Variants in THSD4 observed in about 807,000 individuals in gnomAD.
The protein encoded by THSD4 is thrombospondin type-1 domain-containing protein 4.
Under a neutral mutation model 119.0 loss-of-function variants are expected in THSD4, and 69 were observed. The ratio of observed to expected loss-of-function variants is 0.58; its 90% CI spans 0.48 to 0.71. The LOEUF (loss-of-function observed/expected upper bound fraction) is 0.71, where lower values mean the gene tolerates loss of function less well. Ranked by LOEUF, THSD4 falls within the 30% of genes least tolerant of loss-of-function variation. The pLI, the probability that THSD4 is intolerant of heterozygous loss-of-function variation, is 0.00. For missense variants in THSD4, 1,393 were observed against 1,391.1 expected, an observed-to-expected ratio of 1.00 and a Z score of -0.02; for synonymous variants, 524 against 540.4, an observed-to-expected ratio of 0.97 and a Z score of 0.42.
intron 6 of THSD4, among the ~76,000 whole-genome samples, chr15:71,389,361 G>A (rs1204766716): frequency 1.3e-5 from 2 of 151,872 alleles, no homozygotes; most frequent in African/African-American, 2.4e-5. Flanking sequence ...AGGTACCTCC[G>A]AGCAGCAGAA....
rs182226240 is a variant in THSD4, at chr15:71,571,634, G to T, written c.1153-88896G>T. Among the ~76,000 whole-genome samples, 648 of 152,290 alleles carry T rather than the reference G, an allele frequency of 4.3e-3. 4 individuals are homozygous for T. The highest frequency in any genetic ancestry group is 7.3e-3 in the Non-Finnish European group (494 of 68,014). ...CATTTTGAGTACCTATTGTGGACAG[G>T]ATTCTCCTCTGAGCCCTGCAGGAGA... On this transcript the variant is annotated intron_variant, in intron 7 of 17. Coordinates refer to ENST00000261862, the MANE Select transcript of THSD4 (RefSeq NM_024817.3).
At chr15:71,490,348 C>A (rs2047896144) in intron 7 of THSD4, among the ~76,000 whole-genome samples, 1 of 152,066 alleles carries the variant, frequency 6.6e-6, no homozygotes. Context: ...ATCACAAGGT[C>A]AGGAGATCGA....
intron 15 of THSD4, among the ~76,000 whole-genome samples, chr15:71,760,417 T>C (rs1471785551): frequency 6.6e-6 from 1 of 152,208 alleles, no homozygotes; most frequent in Non-Finnish European, 1.5e-5. Flanking sequence ...ATATATTCCA[T>C]TTCTGCTGCT....
At chr15:71,313,771 G>C (rs556893392) in intron 6 of THSD4, among the ~76,000 whole-genome samples, 1 of 152,164 alleles carries the variant, frequency 6.6e-6, no homozygotes, top group East Asian at 1.9e-4. Context: ...GCTGTGTCTC[G>C]CGGTCTCCCT....
intron 3 of THSD4, among the ~76,000 whole-genome samples, chr15:71,175,048 A>G (rs1450856438): frequency 1.0e-3 from 141 of 137,916 alleles, no homozygotes; most frequent in African/African-American, 3.6e-3. Flanking sequence ...AAAACAGAAC[A>G]GAAAAACTGG....
At chr15:71,466,598 A>G (rs766201878) in intron 7 of THSD4, among the ~76,000 whole-genome samples, 1 of 151,974 alleles carries the variant, frequency 6.6e-6, no homozygotes, top group Non-Finnish European at 1.5e-5. Flanking sequence ...ATCTCCCTCA[A>G]ATGCTCCTCT....
At chr15:71,692,782 G>C (rs1187601068) in intron 8 of THSD4, among the ~76,000 whole-genome samples, 1 of 152,178 alleles carries the variant, frequency 6.6e-6, no homozygotes. Context: ...GTAATAAGAA[G>C]CGCTGTCCTC....
chr15:71,196,450 G>A (rs987114228), intron 3 of THSD4, among the ~76,000 whole-genome samples: 2 of 152,172 alleles, frequency 1.3e-5, no homozygotes, highest in African/African-American at 4.8e-5. Flanking sequence ...TTGAAAAAGA[G>A]AGATTATTGC....
chr15:71,259,185 G>A (rs560841130), intron 6 of THSD4, among the ~76,000 whole-genome samples: 2 of 152,124 alleles, frequency 1.3e-5, no homozygotes, highest in East Asian at 3.9e-4. Context: ...GCCAAGTGAT[G>A]ATGAAGACAG....
chr15:71,201,176 G>GA (rs147288794), intron 3 of THSD4, among the ~76,000 whole-genome samples: 5,395 of 147,832 alleles, frequency 0.036, 350 homozygotes, highest in African/African-American at 0.12. Context: ...GTGGTTGTTT[G>GA]AAAAAAAAAA....
chr15:71,208,731 C>T lies in THSD4; in HGVS notation c.100-6304C>T, dbSNP rs543539902. ...TTCACCATGTTGGCCAGGCTGGTCACGAACGCCTGACCTCAAATTATCCAC... is the reference window on the plus strand; with the variant it reads ...TTCACCATGTTGGCCAGGCTGGTCATGAACGCCTGACCTCAAATTATCCAC... On this transcript the variant is annotated intron_variant, in intron 3 of 17. Transcript: ENST00000261862. Among the ~76,000 whole-genome samples, 8 of 152,118 alleles carry T rather than the reference C, an allele frequency of 5.3e-5. No individual in the cohort carries two copies. In the East Asian group the frequency reaches 5.8e-4, roughly 11 times the overall value.
chr15:71,298,719 TCTC>T (rs1395900318), intron 6 of THSD4, among the ~76,000 whole-genome samples: 3 of 151,502 alleles, frequency 2.0e-5, no homozygotes, highest in African/African-American at 2.4e-5. Context: ...TTCAAGCAAT[TCTC>T]CTGCCTCAGC....
chr15:71,144,522 A>G (rs577222735), intron 2 of THSD4, among the ~76,000 whole-genome samples: 1 of 152,236 alleles, frequency 6.6e-6, no homozygotes, highest in African/African-American at 2.4e-5. Context: ...CTACCTTAAG[A>G]GAAAACAGGT....
At chr15:71,604,414 TG>T (rs2050069573) in intron 7 of THSD4, among the ~76,000 whole-genome samples, 1 of 152,244 alleles carries the variant, frequency 6.6e-6, no homozygotes, top group Non-Finnish European at 1.5e-5. Flanking sequence ...CCTTCCACAA[TG>T]GTTACTTTAC....
Position 71,107,151 on chromosome 15 carries a change from T to C in THSD4, c.-80+10145T>C, listed in dbSNP as rs2040277286. Among the ~76,000 whole-genome samples, 3 of 152,202 alleles carry C rather than the reference T, an allele frequency of 2.0e-5. No individual in the cohort carries two copies. The South Asian group carries it at 6.2e-4, about 31-fold the overall frequency. On this transcript the variant is annotated intron_variant, in intron 1 of 17. Transcript: ENST00000355327. ...TTTAACTCTAAAACCAATGTGCCTT[T>C]CACAACCTGATGTGCTGTCTTCATG...
At chr15:71,164,644 C>G (rs973200073) in intron 3 of THSD4, 1 of 1,450,472 alleles carries the variant, frequency 6.9e-7, no homozygotes, top group Non-Finnish European at 9.2e-7. Flanking sequence ...AAAAAAGACA[C>G]TGTACAGTTT....
intron 7 of THSD4, among the ~76,000 whole-genome samples, chr15:71,489,129 T>C (rs2047871331): frequency 6.6e-6 from 1 of 152,208 alleles, no homozygotes; most frequent in Non-Finnish European, 1.5e-5. Flanking sequence ...AGTTCCTGAA[T>C]ATTAAAAATT....
rs553910216 is a variant in THSD4, at chr15:71,567,964, T to G, written c.1153-92566T>G. Among the ~76,000 whole-genome samples the G allele has an allele frequency of 6.1e-4, 93 of 152,318 alleles. 2 individuals are homozygous for G. The South Asian group carries it at 0.017, about 28-fold the overall frequency. ...TCACCCACCTTACCCTTTATTTCTC[T>G]TATTTATTTCCCTTCTGCCTCTCTT... is the stretch of plus-strand genomic sequence containing the variant. On this transcript the variant is annotated intron_variant, in intron 7 of 17. Transcript: ENST00000261862.
intron 1 of THSD4, among the ~76,000 whole-genome samples, chr15:71,106,986 A>C (rs555679232): frequency 2.0e-5 from 3 of 152,250 alleles, no homozygotes; most frequent in Non-Finnish European, 4.4e-5. Flanking sequence ...CGAATTGGTG[A>C]ACTTGAGTCA....
Sources: gnomAD v4.1 joint callset for allele counts (sites outside exome capture counted in the v4.1 genomes callset) on GRCh38, gnomAD v4.1.1 for gene constraint, MANE v1.5 for transcripts, NCBI Gene and HGNC (gene_info 2026-07-23, HGNC 2026-07-21) for gene names.